Variants in TOGARAM1 observed in about 807,000 individuals in gnomAD.
TOGARAM1 encodes the protein TOG array regulator of axonemal microtubules 1.
A neutral mutation model predicts 166.6 loss-of-function variants in TOGARAM1; 100 were observed. The observed-to-expected ratio is 0.60, with a 90% CI of 0.51 to 0.71. The LOEUF (loss-of-function observed/expected upper bound fraction) is 0.71. Ranked by LOEUF, TOGARAM1 falls within the 30% of genes least tolerant of loss-of-function variation. TOGARAM1 has a pLI of 0.00. For missense variants in TOGARAM1, 2,029 were observed against 2,102.7 expected, an observed-to-expected ratio of 0.96 and a Z score of 0.69; for synonymous variants, 758 against 763.8, an observed-to-expected ratio of 0.99 and a Z score of 0.13.
Position 45,043,761 on chromosome 14 carries a change from G to T in TOGARAM1, c.3888G>T (p.Leu1296Phe). The change falls in exon 12 of 20, where the codon TTG (leucine) becomes TTT (phenylalanine). Residue 1296 changes from leucine (L) to phenylalanine (F), a missense_variant. Leu to Phe is a conservative substitution (Grantham distance 22, BLOSUM62 0). Around this residue, in one of 2 missense-constraint regions of TOGARAM1, gnomAD observed 576 missense variants for 670.5 expected, o/e 0.86. Transcript: ENST00000361462. Reference sequence around the variant, plus strand: ...ATTCTGAGATACTGAACACAAAGTTGCATGAAACAAATTTTGCAGTTGTTC... The same window carrying T: ...ATTCTGAGATACTGAACACAAAGTTTCATGAAACAAATTTTGCAGTTGTTC... ...AFHSEILNTK[L>F]HETNFAVVQE... The T allele has an allele frequency of 2.5e-6, 4 of 1,612,550 alleles. No individual in the cohort carries two copies. The highest frequency in any genetic ancestry group is 3.4e-6 in the Non-Finnish European group (4 of 1,178,714).
chr14:44,994,143 G>C (rs1354083882), intron 1 of TOGARAM1, among the ~76,000 whole-genome samples: 1 of 152,138 alleles, frequency 6.6e-6, no homozygotes, highest in Non-Finnish European at 1.5e-5. Context: ...GTCTCACTCT[G>C]TTGCCCAGCC....
intron 3 of TOGARAM1, among the ~76,000 whole-genome samples, chr14:45,003,756 A>G (rs954034590): frequency 2.5e-5 from 3 of 122,382 alleles, no homozygotes; most frequent in South Asian, 2.5e-4. Flanking sequence ...AAGAAACAAG[A>G]CTTCTCTGAC....
At chr14:44,980,417 A>G (rs1886466513) in intron 1 of TOGARAM1, among the ~76,000 whole-genome samples, 1 of 152,204 alleles carries the variant, frequency 6.6e-6, no homozygotes, top group Non-Finnish European at 1.5e-5. Context: ...TTGTAATTGC[A>G]CCACTTTGAG....
At chr14:45,039,172 A>ACAGCTCT (rs1314994885) in intron 11 of TOGARAM1, among the ~76,000 whole-genome samples, 1 of 151,872 alleles carries the variant, frequency 6.6e-6, no homozygotes, top group Non-Finnish European at 1.5e-5. Context: ...TGATGAGTGT[A>ACAGCTCT]CAGCTCTCAG....
At chr14:44,992,997 T>C (rs1197622016) in intron 1 of TOGARAM1, among the ~76,000 whole-genome samples, 1 of 151,648 alleles carries the variant, frequency 6.6e-6, no homozygotes, top group African/African-American at 2.4e-5. Context: ...GTGTAGTGGC[T>C]CACGCCTGTA....
At chr14:45,008,273 G>A (rs957843540) in intron 5 of TOGARAM1, 4 of 139,984 alleles carry the variant, frequency 2.9e-5, no homozygotes, top group Middle Eastern at 4.1e-3. Flanking sequence ...GAGTCTCGCT[G>A]TGTTGCCTAG....
intron 10 of TOGARAM1, 31 bp from the exon 11 acceptor site, chr14:45,032,192 C>T: frequency 6.3e-7 from 1 of 1,582,098 alleles, no homozygotes; most frequent in East Asian, 2.2e-5. Flanking sequence ...AAAAGGTTCT[C>T]TCATAGTTTA....
chr14:45,064,646 G>GT (rs1566675144), intron 16 of TOGARAM1, among the ~76,000 whole-genome samples: 1 of 151,902 alleles, frequency 6.6e-6, no homozygotes, highest in Non-Finnish European at 1.5e-5. Flanking sequence ...CACTCAGCTA[G>GT]TTTTTTGTAT....
At chr14:45,002,254 G>C (rs1373592780) in intron 3 of TOGARAM1, among the ~76,000 whole-genome samples, 2 of 152,022 alleles carry the variant, frequency 1.3e-5, no homozygotes, top group Non-Finnish European at 2.9e-5. Flanking sequence ...GTATCTTTGG[G>C]ACTCATAATT....
At chr14:44,989,778 A>G (rs1671556740) in intron 1 of TOGARAM1, among the ~76,000 whole-genome samples, 1 of 152,178 alleles carries the variant, frequency 6.6e-6, no homozygotes. Flanking sequence ...ATAAACTATA[A>G]TAGTCCATTC....
At chr14:44,988,872 C>CGTCA (rs1209923851) in intron 1 of TOGARAM1, among the ~76,000 whole-genome samples, 2 of 152,204 alleles carry the variant, frequency 1.3e-5, no homozygotes, top group East Asian at 3.8e-4. Flanking sequence ...CAGAGGCTTC[C>CGTCA]TGACAGTAAC....
At chr14:45,020,613 G>T (rs542452033) in intron 7 of TOGARAM1, among the ~76,000 whole-genome samples, 1 of 151,612 alleles carries the variant, frequency 6.6e-6, no homozygotes, top group Non-Finnish European at 1.5e-5. Flanking sequence ...ATGGTCATAG[G>T]GTGCACTAAG....
Position 45,006,031 on chromosome 14 carries a change from C to T in TOGARAM1, c.2668C>T (p.Pro890Ser), listed in dbSNP as rs575188423. 6 of 1,562,918 alleles carry T rather than the reference C, an allele frequency of 3.8e-6. No individual in the cohort carries two copies. Among genetic ancestry groups the T allele is most frequent in the East Asian group, 4.5e-5 (2 of 44,414 alleles). The stretch of plus-strand genomic sequence containing the variant: ...AGGAGAAAATTCTCAAGAAAAACCT[C>T]CAGTTCAGCTTACACCTGCCTTGGT... The part of the protein sequence containing the change: ...NHGENSQEKP[P>S]VQLTPALVRS... Residue 890 changes from proline to serine, a missense_variant, in exon 5 of 20, where the codon CCA becomes TCA. Physicochemically the swap from Pro to Ser is moderately conservative, Grantham distance 74. Transcript: ENST00000361462.
chr14:44,994,483 A>G (rs1887320343), intron 1 of TOGARAM1, among the ~76,000 whole-genome samples: 1 of 151,878 alleles, frequency 6.6e-6, no homozygotes, highest in South Asian at 2.1e-4. Context: ...CAGTGGCACA[A>G]TATCAGCCCA....
chr14:44,973,578 T>TTCTC (rs369605488), intron 1 of TOGARAM1, among the ~76,000 whole-genome samples: 4 of 148,296 alleles, frequency 2.7e-5, no homozygotes, highest in Non-Finnish European at 5.9e-5. Flanking sequence ...CCAGTGTACT[T>TTCTC]TCTCTCTCTC....
intron 1 of TOGARAM1, among the ~76,000 whole-genome samples, chr14:44,972,351 TTGGA>T (rs1186078843): frequency 6.6e-6 from 1 of 152,132 alleles, no homozygotes; most frequent in African/African-American, 2.4e-5. Context: ...CAGTCTGTTG[TTGGA>T]TAAAGTAATC....
At chr14:44,995,322 G>A (rs1380193772) in intron 1 of TOGARAM1, among the ~76,000 whole-genome samples, 1 of 152,216 alleles carries the variant, frequency 6.6e-6, no homozygotes, top group African/African-American at 2.4e-5. Context: ...ATGGATAATA[G>A]ATTTGCCTCA....
At chr14:45,013,412 G>A (rs539304362) in intron 7 of TOGARAM1, among the ~76,000 whole-genome samples, 2 of 152,136 alleles carry the variant, frequency 1.3e-5, no homozygotes, top group Admixed American at 6.5e-5. Flanking sequence ...TCGGGAATGT[G>A]TGACTTAACC....
intron 7 of TOGARAM1, among the ~76,000 whole-genome samples, chr14:45,017,380 G>A (rs1880209817): frequency 6.7e-6 from 1 of 150,300 alleles, no homozygotes; most frequent in African/African-American, 2.5e-5. Flanking sequence ...CTGCCCCCAG[G>A]AAATGCACCA....
Sources: gnomAD v4.1 joint callset for allele counts (sites outside exome capture counted in the v4.1 genomes callset) on GRCh38, gnomAD v4.1.1 for gene constraint, gnomAD v4.1.1 regional missense constraint, MANE v1.5 for transcripts, NCBI Gene and HGNC (gene_info 2026-07-23, HGNC 2026-07-21) for gene names.